The following RNF216 variants were observed in gnomAD, a reference collection of about 807,000 sequenced individuals.
The protein encoded by RNF216 is E3 ubiquitin-protein ligase RNF216.
In RNF216, 72 loss-of-function variants were observed where a neutral mutation model predicts 110.8. That is an observed-to-expected ratio of 0.65 (90% CI 0.54 to 0.79). The LOEUF (loss-of-function observed/expected upper bound fraction) is 0.79. RNF216 is among the 30% of genes least tolerant of loss of function. The pLI, the probability that RNF216 is intolerant of heterozygous loss-of-function variation, is 0.00. For synonymous variants in RNF216, 495 were observed against 407.5 expected, an observed-to-expected ratio of 1.21 and a Z score of -2.59; for missense variants, 1,342 against 1,141.2, an observed-to-expected ratio of 1.18 and a Z score of -2.54.
chr7:5,701,415 C>T (rs1420560176), intron 13 of RNF216, among the ~76,000 whole-genome samples: 1 of 152,144 alleles, frequency 6.6e-6, no homozygotes, highest in Non-Finnish European at 1.5e-5. Flanking sequence ...TTTCTAGGAT[C>T]TCCGTTCATC....
intron 13 of RNF216, among the ~76,000 whole-genome samples, chr7:5,673,050 C>T (rs1475540948): frequency 6.6e-6 from 1 of 152,132 alleles, no homozygotes; most frequent in Non-Finnish European, 1.5e-5. Context: ...TCCATCTCTC[C>T]ATCGACTCAG....
At chr7:5,700,652 T>C (rs890110711) in intron 13 of RNF216, among the ~76,000 whole-genome samples, 5 of 152,172 alleles carry the variant, frequency 3.3e-5, no homozygotes, top group South Asian at 2.1e-4. Context: ...TAAGTACCCA[T>C]AGAAACTCGT....
At chr7:5,651,653 T>C (rs892462091) in intron 14 of RNF216, among the ~76,000 whole-genome samples, 4 of 142,350 alleles carry the variant, frequency 2.8e-5, no homozygotes, top group African/African-American at 1.2e-4. Flanking sequence ...GCATTCTTTT[T>C]TTCTTTTTTT....
At chr7:5,689,381 AAAG>A (rs1049406973) in intron 13 of RNF216, among the ~76,000 whole-genome samples, 6 of 150,212 alleles carry the variant, frequency 4.0e-5, no homozygotes, top group African/African-American at 9.8e-5. Flanking sequence ...AAAAAAAAAG[AAAG>A]AAGAAGAAAA....
chr7:5,780,538 A>C (rs1033077456), intron 1 of RNF216, among the ~76,000 whole-genome samples: 1 of 152,078 alleles, frequency 6.6e-6, no homozygotes, highest in Non-Finnish European at 1.5e-5. Context: ...CTCTACTAAA[A>C]ATACAAAAAT....
At chr7:5,764,720 G>C (rs1299308389) in intron 1 of RNF216, among the ~76,000 whole-genome samples, 2 of 151,906 alleles carry the variant, frequency 1.3e-5, no homozygotes, top group Non-Finnish European at 2.9e-5. Flanking sequence ...AGGTAGTAGA[G>C]AAAAAATAAT....
At chr7:5,631,608 A>AT (rs1787076281) in intron 15 of RNF216, among the ~76,000 whole-genome samples, 1 of 151,552 alleles carries the variant, frequency 6.6e-6, no homozygotes, top group Admixed American at 6.6e-5. Flanking sequence ...GTCCCATGAC[A>AT]TTTTCTCTTT....
At chr7:5,664,740 G>A (rs529587217) in intron 13 of RNF216, among the ~76,000 whole-genome samples, 7 of 152,340 alleles carry the variant, frequency 4.6e-5, no homozygotes, top group African/African-American at 1.7e-4. Context: ...TGCACTCCCA[G>A]AAACAAGATA....
At chr7:5,762,026 T>C (rs1337477204) in intron 1 of RNF216, among the ~76,000 whole-genome samples, 2 of 152,096 alleles carry the variant, frequency 1.3e-5, no homozygotes, top group Non-Finnish European at 2.9e-5. Flanking sequence ...ATACGCATAA[T>C]AGAATATACG....
intron 15 of RNF216, among the ~76,000 whole-genome samples, chr7:5,637,259 C>T (rs1415117172): frequency 6.6e-6 from 1 of 152,192 alleles, no homozygotes; most frequent in Non-Finnish European, 1.5e-5. Context: ...CTGTGGGCTG[C>T]ACCTCCCGAT....
At chr7:5,739,453 C>T in intron 4 of RNF216, 101 bp from the exon 5 acceptor site, 1 of 1,167,682 alleles carries the variant, frequency 8.6e-7, no homozygotes. Context: ...TGACTAAAGA[C>T]TAGAAAAGGG....
intron 1 of RNF216, among the ~76,000 whole-genome samples, chr7:5,778,728 C>T (rs1796913133): frequency 6.7e-6 from 1 of 149,502 alleles, no homozygotes; most frequent in Non-Finnish European, 1.5e-5. Flanking sequence ...TTTTCAGCAC[C>T]TCAGTTTCTT....
At position 5,621,627 on chromosome 7, in the gene RNF216, T is replaced by C. The variant is rs1786369877; in HGVS notation, c.*1233A>G. The C allele has an allele frequency of 6.6e-6, 1 of 152,286 alleles. No homozygotes were observed. The highest frequency in any genetic ancestry group is 6.5e-5 in the Admixed American group (1 of 15,286). The allele number at this position is 152,286 out of a possible 1,614,324, so 9.4% of individuals were successfully genotyped here. On this transcript the variant is annotated 3_prime_UTR_variant, in exon 17 of 17. Transcript: ENST00000389902. ...CCCCAATGGTTGTCGGACTCAGCTGTGTCTGAGGTCTGTGAACTCCCAGCC... is the reference window on the plus strand; with the variant it reads ...CCCCAATGGTTGTCGGACTCAGCTGCGTCTGAGGTCTGTGAACTCCCAGCC...
At chr7:5,676,275 G>T (rs1017981085) in intron 13 of RNF216, among the ~76,000 whole-genome samples, 1 of 152,174 alleles carries the variant, frequency 6.6e-6, no homozygotes, top group African/African-American at 2.4e-5. Flanking sequence ...GCCTCCCAAA[G>T]TGGGAGGCAT....
intron 4 of RNF216, among the ~76,000 whole-genome samples, chr7:5,740,069 G>C (rs1402215227): frequency 6.9e-6 from 1 of 144,294 alleles, no homozygotes; most frequent in Non-Finnish European, 1.5e-5. Flanking sequence ...TAACGGACTT[G>C]TTTGAAGGCA....
At chr7:5,683,797 G>C (rs1362222889) in intron 13 of RNF216, among the ~76,000 whole-genome samples, 1 of 152,134 alleles carries the variant, frequency 6.6e-6, no homozygotes, top group Non-Finnish European at 1.5e-5. Context: ...AGTGTCTATG[G>C]ATAAAACCTG....
intron 9 of RNF216, among the ~76,000 whole-genome samples, chr7:5,719,877 A>G (rs1390166789): frequency 6.6e-6 from 1 of 152,244 alleles, no homozygotes; most frequent in Non-Finnish European, 1.5e-5. Flanking sequence ...ATACCTGGAT[A>G]TAAGACAAGC....
intron 15 of RNF216, among the ~76,000 whole-genome samples, chr7:5,629,804 G>T (rs999832299): frequency 3.2e-5 from 4 of 123,544 alleles, no homozygotes. Flanking sequence ...TCCAGCCTGG[G>T]CAACAGAGCA....
intron 13 of RNF216, among the ~76,000 whole-genome samples, chr7:5,661,122 T>G (rs1322121122): frequency 2.0e-5 from 3 of 151,958 alleles, no homozygotes; most frequent in African/African-American, 7.3e-5. Context: ...GTATTTTTAG[T>G]AAAGACAGGG....
Sources: gnomAD v4.1 joint callset for allele counts (sites outside exome capture counted in the v4.1 genomes callset) on GRCh38, gnomAD v4.1.1 for gene constraint, MANE v1.5 for transcripts, NCBI Gene and HGNC (gene_info 2026-07-23, HGNC 2026-07-21) for gene names.